Variants in ST7 observed in about 807,000 individuals in gnomAD.
ST7 encodes the protein suppression of tumorigenicity 7.
A neutral mutation model predicts 78.7 loss-of-function variants in ST7; 28 were observed. The ratio of observed to expected loss-of-function variants is 0.36; its 90% CI spans 0.26 to 0.49. The LOEUF (loss-of-function observed/expected upper bound fraction) is 0.49. ST7 is among the 20% of genes least tolerant of loss of function. The pLI is 0.99. For synonymous variants in ST7, 247 were observed against 249.6 expected (o/e 0.99, Z 0.10); for missense variants, 418 against 696.0 (o/e 0.60, Z 4.49).
At chr7:117,201,077 T>G (rs1469172295) in intron 12 of ST7, among the ~76,000 whole-genome samples, 1 of 152,136 alleles carries the variant, frequency 6.6e-6, no homozygotes, top group Non-Finnish European at 1.5e-5. Context: ...AAACAAAATG[T>G]GTAGTGGGTT....
intron 9 of ST7, among the ~76,000 whole-genome samples, chr7:117,144,499 G>A (rs1214262711): frequency 6.6e-6 from 1 of 151,690 alleles, no homozygotes; most frequent in East Asian, 1.9e-4. Flanking sequence ...GGGCATGGTG[G>A]TACATGCTTG....
chr7:117,132,101 G>GTT, intron 6 of ST7, 141 bp downstream of exon 6: 20 of 725,798 alleles, frequency 2.8e-5, no homozygotes, highest in Admixed American at 3.3e-5. Context: ...ATTTAAAAAA[G>GTT]TTTTTTTTTT....
chr7:117,039,850 A>G (rs1797113721), intron 1 of ST7, among the ~76,000 whole-genome samples: 1 of 152,166 alleles, frequency 6.6e-6, no homozygotes, highest in Non-Finnish European at 1.5e-5. Flanking sequence ...CAGTTATCCC[A>G]CATCTTCTGT....
chr7:117,011,948 T>C (rs540288568), intron 1 of ST7, among the ~76,000 whole-genome samples: 1 of 152,292 alleles, frequency 6.6e-6, no homozygotes, highest in African/African-American at 2.4e-5. Flanking sequence ...TCAGTGTTTA[T>C]AGAGTCTAGG....
At chr7:117,040,027 T>A (rs1017803464) in intron 1 of ST7, among the ~76,000 whole-genome samples, 1 of 152,168 alleles carries the variant, frequency 6.6e-6, no homozygotes, top group Non-Finnish European at 1.5e-5. Flanking sequence ...GATTTGGATG[T>A]TATTAATCAT....
At chr7:117,153,256 G>A (rs1398587984) in intron 9 of ST7, among the ~76,000 whole-genome samples, 2 of 152,100 alleles carry the variant, frequency 1.3e-5, no homozygotes, top group African/African-American at 4.8e-5. Context: ...GTGGGCAGGA[G>A]GAATGATTTC....
chr7:117,077,012 T>G (rs190278845), intron 1 of ST7, among the ~76,000 whole-genome samples: 1 of 152,252 alleles, frequency 6.6e-6, no homozygotes, highest in East Asian at 1.9e-4. Flanking sequence ...TGAAAGTGGC[T>G]CTCAGTGGAA....
At chr7:117,011,314 G>T (rs1584444518) in intron 1 of ST7, among the ~76,000 whole-genome samples, 1 of 152,292 alleles carries the variant, frequency 6.6e-6, no homozygotes, top group Middle Eastern at 3.4e-3. Context: ...CTCCTTTGAG[G>T]AGGGGCTGTT....
intron 1 of ST7, chr7:117,073,788 T>C (rs1799146385): frequency 6.6e-6 from 1 of 152,226 alleles, no homozygotes; most frequent in African/African-American, 2.4e-5. Context: ...CTATAAATGT[T>C]TGTTAAGCAA....
intron 1 of ST7, among the ~76,000 whole-genome samples, chr7:117,032,230 A>G (rs1295582980): frequency 6.6e-6 from 1 of 152,082 alleles, no homozygotes; most frequent in Non-Finnish European, 1.5e-5. Flanking sequence ...TGTACTTAGA[A>G]CATTTAAAAA....
chr7:117,070,969 C>T (rs1352557218), intron 1 of ST7, among the ~76,000 whole-genome samples: 2 of 151,998 alleles, frequency 1.3e-5, no homozygotes, highest in East Asian at 3.9e-4. Context: ...CCTGTAATCC[C>T]GGCACTTTGG....
intron 1 of ST7, among the ~76,000 whole-genome samples, chr7:117,017,672 T>C (rs1398229057): frequency 2.6e-5 from 4 of 152,184 alleles, no homozygotes; most frequent in Non-Finnish European, 4.4e-5. Flanking sequence ...TCAGTTTTAT[T>C]CATCCTTCAT....
rs995849183 is a variant in ST7 at position 117,104,667 on chromosome 7, C to A, written c.234+4823C>A. On this transcript the variant is annotated intron_variant, in intron 2 of 15. Transcript: ENST00000323984. Reference sequence around the variant, plus strand: ...GTATGTCAAAGAGATACCTGCAGTCCCATGTTTATTGCAGCACTGTTCATA... The same window carrying A: ...GTATGTCAAAGAGATACCTGCAGTCACATGTTTATTGCAGCACTGTTCATA... Among the ~76,000 whole-genome samples, 6 of 152,098 alleles carry A rather than the reference C, an allele frequency of 3.9e-5. 1 individual carries two copies. Among genetic ancestry groups the A allele is most frequent in the African/African-American group, 2.4e-5 (1 of 41,420 alleles).
chr7:116,972,733 T>C (rs1793494052), intron 1 of ST7: 1 of 922,168 alleles, frequency 1.1e-6, no homozygotes, highest in Non-Finnish European at 1.8e-6. Flanking sequence ...CAGCTTCTCA[T>C]GAACCAGCTG....
At chr7:117,131,143 T>G (rs1804313518) in intron 5 of ST7, among the ~76,000 whole-genome samples, 1 of 151,960 alleles carries the variant, frequency 6.6e-6, no homozygotes, top group East Asian at 1.9e-4. Flanking sequence ...CAACTGAAAT[T>G]TTTTGTTATA....
At chr7:117,067,058 A>AT (rs1798676521) in intron 1 of ST7, among the ~76,000 whole-genome samples, 1 of 152,108 alleles carries the variant, frequency 6.6e-6, no homozygotes, top group Non-Finnish European at 1.5e-5. Context: ...AGGTCCATCC[A>AT]TTTTGTAACA....
chr7:117,161,631 G>A (rs564550010), intron 9 of ST7, among the ~76,000 whole-genome samples: 83 of 104,990 alleles, frequency 7.9e-4, no homozygotes, highest in African/African-American at 2.9e-3. Flanking sequence ...ATGGAGTCTT[G>A]CTCTATTGCC....
intron 1 of ST7, among the ~76,000 whole-genome samples, chr7:117,098,086 G>A (rs918170655): frequency 5.3e-5 from 8 of 150,530 alleles, no homozygotes; most frequent in Non-Finnish European, 4.4e-5. Context: ...TGTTAGTCCA[G>A]TCTCTTGTGA....
At chr7:117,129,954 A>G (rs906238854) in intron 4 of ST7, 107 bp downstream of exon 4, 6 of 762,180 alleles carry the variant, frequency 7.9e-6, no homozygotes, top group African/African-American at 7.3e-5. Context: ...CAGTCTATGT[A>G]GTGCGTCCAT....
Sources: allele counts gnomAD v4.1 joint callset (sites outside exome capture counted in the v4.1 genomes callset), GRCh38; gene constraint gnomAD v4.1.1; transcripts MANE v1.5; gene names NCBI Gene and HGNC (gene_info 2026-07-23, HGNC 2026-07-21).